PRSS27: variants seen among roughly 807,000 people sequenced by gnomAD.
PRSS27 encodes the protein serine protease 27.
In PRSS27, 25 loss-of-function variants were observed where a neutral mutation model predicts 32.0. That is an observed-to-expected ratio of 0.78 (90% CI 0.57 to 1.09). The LOEUF is 1.09. Ranked by LOEUF, PRSS27 falls within the 50% of genes least tolerant of loss-of-function variation. PRSS27 has a pLI of 0.00. For synonymous variants in PRSS27, 178 were observed against 172.2 expected (o/e 1.03, Z -0.26); for missense variants, 401 against 394.9 (o/e 1.02, Z -0.13).
At chr16:2,716,406 G>A in intron 2 of PRSS27, 94 bp downstream of exon 2, 1 of 1,179,160 alleles carries the variant, frequency 8.5e-7, no homozygotes. Flanking sequence ...ATTCCCCAGT[G>A]TCCTGTGCGT....
Position 2,714,323 on chromosome 16 carries a change from A to G in PRSS27, c.250T>C (p.Ser84Pro), listed in dbSNP as rs368697889. The change falls in exon 4 of 6, where the codon TCC (serine) becomes CCC (proline). Residue 84 changes from serine to proline, a missense_variant. Physicochemically the swap from Ser to Pro is moderately conservative, Grantham distance 74. Coordinates refer to ENST00000302641, the MANE Select transcript of PRSS27 (RefSeq NM_031948.5). The surrounding 1 kb of genome is among the most constrained non-coding windows in gnomAD (Gnocchi z 4.7). Reference sequence around the variant, plus strand: ...GCCCCCAGCAGGACCTGGTACAGGGACGTCTCAGAGGTGCTGGCGGGAGAA... The same window carrying G: ...GCCCCCAGCAGGACCTGGTACAGGGGCGTCTCAGAGGTGCTGGCGGGAGAA... The part of the protein sequence containing the change: ...AHCFRNTSET[S>P]LYQVLLGARQ... The G allele has an allele frequency of 8.2e-5, 133 of 1,612,808 alleles. No homozygotes were observed. Among genetic ancestry groups the G allele is most frequent in the South Asian group, 5.3e-4 (48 of 91,070 alleles).
At chr16:2,719,848 G>A (rs371412597) in intron 1 of PRSS27, among the ~76,000 whole-genome samples, 3 of 152,212 alleles carry the variant, frequency 2.0e-5, no homozygotes, top group East Asian at 3.9e-4. Context: ...CAGTGCCCGC[G>A]GAGAGGCATG....
Position 2,716,410 on chromosome 16 carries a change from T to C in PRSS27, c.73+90A>G, listed in dbSNP as rs202143256. The C allele has an allele frequency of 1.6e-4, 198 of 1,220,872 alleles. No homozygotes were observed. The East Asian group carries it at 3.6e-3, about 22-fold the overall frequency. 75.6% of individuals were successfully genotyped at this position (1,220,872 alleles called of 1,614,324 possible). ...CCTCCTCTGGAATTCCCCAGTGTCC[T>C]GTGCGTTCCAAATTCCCTCTGGCCA... On this transcript the variant is annotated intron_variant, in intron 2 of 5. Coordinates refer to ENST00000302641, the MANE Select transcript of PRSS27 (RefSeq NM_031948.5).
In PRSS27 at chr16:2,720,098, G is replaced by C. The variant is rs1373401621; in HGVS notation, c.46+17C>G. The stretch of plus-strand genomic sequence containing the variant: ...TGGGGGACTGCACCACCAGGACCCT[G>C]CACCTTCACGACTCACCAAAACACA... On this transcript the variant is annotated intron_variant, in intron 1 of 5. Coordinates refer to ENST00000302641, the MANE Select transcript of PRSS27 (RefSeq NM_031948.5). The C allele has an allele frequency of 1.3e-6, 2 of 1,595,516 alleles. No individual in the cohort carries two copies. Among genetic ancestry groups the C allele is most frequent in the African/African-American group, 2.7e-5 (2 of 74,622 alleles).
At chr16:2,713,108 T>C (rs114308287) in intron 5 of PRSS27, 2 of 496,256 alleles carry the variant, frequency 4.0e-6, no homozygotes, top group African/African-American at 3.9e-5. Flanking sequence ...TTTCTTTTTT[T>C]TTTTTATTGA....
In PRSS27 at chr16:2,712,761, C is replaced by T. The variant is rs749990851; in HGVS notation, c.732G>A (p.Ala244=). 45 of 1,590,836 alleles carry T rather than the reference C, an allele frequency of 2.8e-5. No homozygotes were observed. Among genetic ancestry groups the T allele is most frequent in the South Asian group, 1.7e-4 (15 of 88,342 alleles). ...VCLVGQSWLQ[A]GVISWGEGCA... Reference sequence around the variant, plus strand: ...AGCCCTCACCCCAGCTGATCACCCCCGCCTGCAGCCACGACTGACCCACGA... The same window carrying T: ...AGCCCTCACCCCAGCTGATCACCCCTGCCTGCAGCCACGACTGACCCACGA... Residue 244 remains alanine, a synonymous_variant, in exon 6 of 6, where the codon GCG becomes GCA. Coordinates refer to ENST00000302641, the MANE Select transcript of PRSS27 (RefSeq NM_031948.5). This position sits in a 1 kb window ranked among gnomAD's most constrained non-coding sequence, Gnocchi z 4.6.
intron 5 of PRSS27, chr16:2,713,272 G>T: frequency 2.0e-6 from 1 of 489,500 alleles, no homozygotes; most frequent in Non-Finnish European, 3.8e-6. Flanking sequence ...CTAATTTTTT[G>T]TATTTTTAGT....
chr16:2,718,967 G>A (rs553537684), intron 1 of PRSS27, among the ~76,000 whole-genome samples: 11 of 152,322 alleles, frequency 7.2e-5, no homozygotes, highest in African/African-American at 2.6e-4. Context: ...TGCCGGGGGT[G>A]TCAGGAGCAT....
rs775983217 is a variant in PRSS27, at chr16:2,712,811, C to A, written c.682G>T (p.Asp228Tyr). Residue 228 changes from aspartate (D) to tyrosine (Y), a missense_variant, in exon 6 of 6, where the codon GAC becomes TAC. Physicochemically the swap from Asp to Tyr is radical, Grantham distance 160. Coordinates refer to ENST00000302641, the MANE Select transcript of PRSS27 (RefSeq NM_031948.5). This position sits in a 1 kb window ranked among gnomAD's most constrained non-coding sequence, Gnocchi z 4.6. ...EEGKKDACKGDSGGPLVCLVG... is the reference protein window; with the variant it reads ...EEGKKDACKGYSGGPLVCLVG... ...AGGCACACCAGGGGGCCGCCCGAGT[C>A]GCCCTGCGGGGGACGCAGAGTCACC... is the stretch of plus-strand genomic sequence containing the variant. The A allele has an allele frequency of 1.9e-6, 3 of 1,555,906 alleles. No individual in the cohort carries two copies. The highest frequency in any genetic ancestry group is 2.6e-6 in the Non-Finnish European group (3 of 1,148,388).
At position 2,713,697 on chromosome 16, in the gene PRSS27, G is replaced by A; in HGVS notation, c.510C>T (p.Asp170=). ...GCAGGATCCGCGGTTCGGGCAGGAG[G>A]TCTGGAGAGGGGCGGAACAGCCCAG... ...VTGWGSPSEE[D]LLPEPRILQK... is the part of the protein sequence containing the mutation. The change falls in exon 5 of 6, where the codon GAC becomes GAT. Residue 170 remains aspartate, a splice_region_variant and synonymous_variant. Coordinates refer to ENST00000302641, the MANE Select transcript of PRSS27 (RefSeq NM_031948.5). 2 of 1,614,158 alleles carry A rather than the reference G, an allele frequency of 1.2e-6. No individual in the cohort carries two copies. The highest frequency in any genetic ancestry group is 2.2e-5 in the South Asian group (2 of 91,082).
In PRSS27 at chr16:2,715,759, GATGAGGCTGC is replaced by G. The variant is rs1426369548; in HGVS notation, c.185_194del (p.Gly62AlafsTer7). The G allele has an allele frequency of 6.3e-7, 1 of 1,584,202 alleles. No individual in the cohort carries two copies. The highest frequency in any genetic ancestry group is 1.8e-5 in the Admixed American group (1 of 56,004). On this transcript the variant is annotated frameshift_variant, in exon 3 of 6. Transcript: ENST00000302641. LOFTEE classifies it high-confidence loss of function. ...CAGCCGTCAGGACCCACTGCTCCGCGATGAGGCTGCCCCCGCAGAAGTGGCTTCCGTTGCG... is the reference window on the plus strand; with the variant it reads ...CAGCCGTCAGGACCCACTGCTCCGCGCCCCGCAGAAGTGGCTTCCGTTGCG...
At position 2,712,710 on chromosome 16, in the gene PRSS27, G is replaced by A; in HGVS notation, c.783C>T (p.Val261=). ...EGCARQNRPG[V]YIRVTAHHNW... ...TGTGGTGGGCGGTGACACGGATGTA[G>A]ACACCTGGGCGGTTCTGGCGGGCAC... Residue 261 remains valine (V), a synonymous_variant, in exon 6 of 6, where the codon GTC becomes GTT. Coordinates refer to ENST00000302641, the MANE Select transcript of PRSS27 (RefSeq NM_031948.5). This position sits in a 1 kb window ranked among gnomAD's most constrained non-coding sequence, Gnocchi z 4.6. 1 of 1,596,772 alleles carries A rather than the reference G, an allele frequency of 6.3e-7. No individual in the cohort carries two copies. Among genetic ancestry groups the A allele is most frequent in the South Asian group, 1.1e-5 (1 of 88,264 alleles).
Position 2,712,968 on chromosome 16 carries a change from C to G in PRSS27, c.679-154G>C, listed in dbSNP as rs2067672721. 1 of 617,482 alleles carries G rather than the reference C, an allele frequency of 1.6e-6. No individual in the cohort carries two copies. Among genetic ancestry groups the G allele is most frequent in the Non-Finnish European group, 2.8e-6 (1 of 360,704 alleles). The allele number at this position is 617,482 out of a possible 1,614,324, so 38.3% of individuals were successfully genotyped here. ...CCCCATCCCCTGCCAGTCCGATTGT[C>G]TAAAGTGCCTATTCTTTAGTGTCCC... On this transcript the variant is annotated intron_variant, in intron 5 of 5. Coordinates refer to ENST00000302641, the MANE Select transcript of PRSS27 (RefSeq NM_031948.5). This position sits in a 1 kb window ranked among gnomAD's most constrained non-coding sequence, Gnocchi z 4.6.
rs2067701041 is a variant in PRSS27 at position 2,716,148 on chromosome 16, G to T, written c.74-268C>A. 4 of 545,696 alleles carry T rather than the reference G, an allele frequency of 7.3e-6. No individual in the cohort carries two copies. The East Asian group carries it at 1.2e-4, about 16-fold the overall frequency. The allele number at this position is 545,696 out of a possible 1,614,324, so 33.8% of individuals were successfully genotyped here. ...CACGGAGGCACTGAGATAACCCAGG[G>T]AAGGGTCTTGTCCCAGGGCCTGACC... On this transcript the variant is annotated intron_variant, in intron 2 of 5. Transcript: ENST00000302641.
At chr16:2,715,530 G>A (rs2067695603) in intron 3 of PRSS27, 188 bp downstream of exon 3, 1 of 514,680 alleles carries the variant, frequency 1.9e-6, no homozygotes, top group Non-Finnish European at 3.4e-6. Flanking sequence ...CGGGAGCAGC[G>A]GTTGCAACTG....
At chr16:2,713,107 T>C in intron 5 of PRSS27, 2 of 498,384 alleles carry the variant, frequency 4.0e-6, no homozygotes, top group Non-Finnish European at 7.1e-6. Context: ...TTTTCTTTTT[T>C]TTTTTTATTG....
intron 1 of PRSS27, among the ~76,000 whole-genome samples, chr16:2,719,133 C>G (rs141525672): frequency 1.3e-5 from 2 of 152,158 alleles, no homozygotes; most frequent in Non-Finnish European, 2.9e-5. Context: ...GTTAGTGAAC[C>G]GACTGCAAAA....
rs1396586758 is a variant in PRSS27 at position 2,717,985 on chromosome 16, T to A, written c.47-1459A>T. 1.3e-5 allele frequency: 2 copies of A among 152,208 alleles called. No homozygotes were observed. Among genetic ancestry groups the A allele is most frequent in the Non-Finnish European group, 2.9e-5 (2 of 68,074 alleles). 9.4% of individuals were successfully genotyped at this position (152,208 alleles called of 1,614,324 possible). On this transcript the variant is annotated intron_variant, in intron 1 of 5. Transcript: ENST00000302641. This position sits in a 1 kb window ranked among gnomAD's most constrained non-coding sequence, Gnocchi z 4.1. ...CCTGGATGCTCTGCTCATTAATTTG[T>A]GCTAATTAAGTGCCCTTTAAAATGC...
At chr16:2,716,614 C>A in intron 1 of PRSS27, 88 bp from the exon 2 acceptor site, 1 of 1,320,902 alleles carries the variant, frequency 7.6e-7, no homozygotes, top group African/African-American at 1.4e-5. Flanking sequence ...CTGACCCTCC[C>A]CAGCTCCTGA....
Sources: gnomAD v4.1 joint callset for allele counts (sites outside exome capture counted in the v4.1 genomes callset) on GRCh38, gnomAD v4.1.1 for gene constraint, Gnocchi (gnomAD v3.1) non-coding constraint, MANE v1.5 for transcripts, NCBI Gene and HGNC (gene_info 2026-07-23, HGNC 2026-07-21) for gene names.